The following NDRG3 variants were observed in gnomAD, a reference collection of about 807,000 sequenced individuals.
The protein encoded by NDRG3 is protein NDRG3.
NDRG3 carries 23 observed loss-of-function variants against 57.2 expected under a neutral mutation model. The observed-to-expected ratio is 0.40, with a 90% CI of 0.29 to 0.57. The LOEUF is 0.57. Among genes scored for constraint, NDRG3 ranks in the 20% least tolerant of loss-of-function variants. The probability of loss-of-function intolerance (pLI) is 0.42; values close to 1 mark genes in which losing one functional copy is unlikely to be tolerated. For synonymous variants in NDRG3, 132 were observed against 162.6 expected (o/e 0.81, Z 1.43); for missense variants, 384 against 457.3 (o/e 0.84, Z 1.46).
chr20:36,700,263 A>G (rs531975107), intron 3 of NDRG3, among the ~76,000 whole-genome samples: 1 of 152,162 alleles, frequency 6.6e-6, no homozygotes, highest in Non-Finnish European at 1.5e-5. Flanking sequence ...ACCATGCCAT[A>G]ATATGCCCTC....
chr20:36,656,298 A>G (rs936343853), intron 15 of NDRG3, 62 bp downstream of exon 15: 1 of 1,531,938 alleles, frequency 6.5e-7, no homozygotes, highest in Non-Finnish European at 9.0e-7. Flanking sequence ...GGGCTCCCAG[A>G]TGTGAAACTG....
intron 8 of NDRG3, among the ~76,000 whole-genome samples, chr20:36,677,572 G>A (rs1292457759): frequency 1.3e-5 from 2 of 152,226 alleles, no homozygotes; most frequent in Non-Finnish European, 2.9e-5. Flanking sequence ...TCTCCACTGA[G>A]CGCTTCAGGG....
rs1290033865 is a variant in NDRG3 at position 36,693,105 on chromosome 20, AATATATATATATATATAT to A, written c.94-4339_94-4322del. 2.5e-3 allele frequency among the ~76,000 whole-genome samples: 64 copies of A among 25,854 alleles called. 2 individuals carry two copies. Among genetic ancestry groups the A allele is most frequent in the African/African-American group, 8.6e-3 (56 of 6,480 alleles). 17.0% of individuals were successfully genotyped at this position (25,854 alleles called of 152,430 possible). On this transcript the variant is annotated intron_variant, in intron 3 of 15. Coordinates refer to ENST00000349004, the MANE Select transcript of NDRG3 (RefSeq NM_032013.4). ...AAAAAAAAAAAAAAAAAAAAAAAAA[AATATATATATATATATAT>A]ATATATATATATATATATACACACA... is the stretch of plus-strand genomic sequence containing the variant.
At chr20:36,666,204 T>C (rs1979618158) in intron 10 of NDRG3, 85 bp downstream of exon 10, 1 of 1,011,638 alleles carries the variant, frequency 9.9e-7, no homozygotes, top group Non-Finnish European at 1.5e-6. Context: ...GGTCCCAAGA[T>C]TAGATACAGT....
In NDRG3 at chr20:36,658,263, C is replaced by G. The variant is rs534918640; in HGVS notation, c.859-1731G>C. On this transcript the variant is annotated intron_variant, in intron 13 of 15. Transcript: ENST00000349004. ...TCTCCTGCCTCAGTCTCTGGAGTAGCTGGGATTACAGGTGCCCAGCATCAT... is the reference window on the plus strand; with the variant it reads ...TCTCCTGCCTCAGTCTCTGGAGTAGGTGGGATTACAGGTGCCCAGCATCAT... Among the ~76,000 whole-genome samples the G allele has an allele frequency of 1.0e-3, 157 of 152,270 alleles. 2 individuals are homozygous for G. Among genetic ancestry groups the G allele is most frequent in the African/African-American group, 3.6e-3 (150 of 41,546 alleles).
chr20:36,660,819 C>T (rs1394796402), intron 12 of NDRG3, among the ~76,000 whole-genome samples: 1 of 152,146 alleles, frequency 6.6e-6, no homozygotes, highest in Non-Finnish European at 1.5e-5. Context: ...CTCGGCCTCC[C>T]AAAGTGCTGG....
rs1380645395 is a variant in NDRG3 at position 36,652,045 on chromosome 20, C to T, written c.*1475G>A. The T allele has an allele frequency of 6.6e-6, 1 of 152,194 alleles. No homozygotes were observed. The highest frequency in any genetic ancestry group is 1.5e-5 in the Non-Finnish European group (1 of 68,054). The allele number at this position is 152,194 out of a possible 1,614,324, so 9.4% of individuals were successfully genotyped here. On this transcript the variant is annotated 3_prime_UTR_variant, in exon 16 of 16. Coordinates refer to ENST00000349004, the MANE Select transcript of NDRG3 (RefSeq NM_032013.4). ...CTAACAGTAGACATGAGGCTGAAAA[C>T]AACTTTACCTGGACAGGGCTACCCC... is the stretch of plus-strand genomic sequence containing the variant.
intron 12 of NDRG3, among the ~76,000 whole-genome samples, chr20:36,663,027 G>A (rs1442894578): frequency 1.3e-5 from 2 of 152,140 alleles, no homozygotes; most frequent in Non-Finnish European, 2.9e-5. Flanking sequence ...AAGTATATAT[G>A]TTCATTTAAA....
chr20:36,733,162 AAAAAAAAAAATATATATATAT>A (rs1156875559), intron 1 of NDRG3, among the ~76,000 whole-genome samples: 4 of 52,096 alleles, frequency 7.7e-5, no homozygotes, highest in Non-Finnish European at 1.1e-4. Context: ...AAAAAAAAAA[AAAAAAAAAAATATATATATAT>A]ATATATATAT....
At chr20:36,725,348 G>A (rs1984861182) in intron 1 of NDRG3, among the ~76,000 whole-genome samples, 1 of 151,758 alleles carries the variant, frequency 6.6e-6, no homozygotes, top group Non-Finnish European at 1.5e-5. Context: ...GGTGGCTCAC[G>A]CCTGTAATCC....
At chr20:36,720,449 A>C (rs1984525683) in intron 2 of NDRG3, among the ~76,000 whole-genome samples, 1 of 152,138 alleles carries the variant, frequency 6.6e-6, no homozygotes, top group Non-Finnish European at 1.5e-5. Context: ...CTGGGATTAC[A>C]GGCATAAGCC....
At chr20:36,669,647 G>C (rs975389861) in intron 9 of NDRG3, among the ~76,000 whole-genome samples, 3 of 151,966 alleles carry the variant, frequency 2.0e-5, no homozygotes, top group African/African-American at 7.3e-5. Context: ...TTACAGGCGT[G>C]AGCCATGGCG....
intron 1 of NDRG3, 135 bp downstream of exon 1, chr20:36,745,910 G>A (rs1339265844): frequency 1.9e-5 from 4 of 215,282 alleles, no homozygotes; most frequent in Admixed American, 5.9e-5. Flanking sequence ...GGGGCACGGG[G>A]GAGGCAAGCA....
At chr20:36,667,890 A>G (rs1487010976) in intron 9 of NDRG3, among the ~76,000 whole-genome samples, 1 of 152,210 alleles carries the variant, frequency 6.6e-6, no homozygotes, top group Non-Finnish European at 1.5e-5. Context: ...TCACTACTAG[A>G]AAACTTTGTG....
At chr20:36,716,793 G>T (rs1040328716) in intron 2 of NDRG3, among the ~76,000 whole-genome samples, 9 of 152,102 alleles carry the variant, frequency 5.9e-5, no homozygotes, top group African/African-American at 1.9e-4. Flanking sequence ...TTTATTACAA[G>T]GTCTTTTGGG....
intron 1 of NDRG3, among the ~76,000 whole-genome samples, chr20:36,744,969 G>A (rs1044224461): frequency 6.6e-5 from 4 of 60,336 alleles, no homozygotes; most frequent in Non-Finnish European, 1.0e-4. Flanking sequence ...CCAGGGTAAG[G>A]GGGGGGGGGG....
At chr20:36,671,110 AG>A (rs1220251056) in intron 9 of NDRG3, among the ~76,000 whole-genome samples, 10 of 152,224 alleles carry the variant, frequency 6.6e-5, no homozygotes, top group Admixed American at 5.2e-4. Flanking sequence ...TTCTACTTAC[AG>A]GAACAGGTAG....
At chr20:36,677,715 G>A (rs928151464) in intron 8 of NDRG3, among the ~76,000 whole-genome samples, 1 of 152,162 alleles carries the variant, frequency 6.6e-6, no homozygotes, top group Non-Finnish European at 1.5e-5. Context: ...CTGAACACTC[G>A]ACTGGACGAC....
At chr20:36,666,144 C>T in intron 10 of NDRG3, 145 bp downstream of exon 10, 3 of 634,404 alleles carry the variant, frequency 4.7e-6, no homozygotes, top group Non-Finnish European at 8.4e-6. Context: ...AATCTTTGTC[C>T]ATGTTTCTAG....
Sources: gnomAD v4.1 joint callset for allele counts (sites outside exome capture counted in the v4.1 genomes callset) on GRCh38, gnomAD v4.1.1 for gene constraint, MANE v1.5 for transcripts, NCBI Gene and HGNC (gene_info 2026-07-23, HGNC 2026-07-21) for gene names.